The following CTNNA3 variants were observed in gnomAD, a reference collection of about 807,000 sequenced individuals.
CTNNA3 encodes catenin alpha 3, also known as catenin alpha-3.
CTNNA3 carries 76 observed loss-of-function variants against 95.7 expected under a neutral mutation model. The observed-to-expected ratio is 0.79, with a 90% confidence interval of 0.66 to 0.96. The LOEUF is 0.96. CTNNA3 is among the 40% of genes least tolerant of loss of function. CTNNA3 has a pLI of 0.00. For missense variants in CTNNA3, 1,191 were observed against 1,089.8 expected (o/e 1.09, Z -1.31); for synonymous variants, 431 against 374.4 (o/e 1.15, Z -1.74).
intron 9 of CTNNA3, among the ~76,000 whole-genome samples, chr10:66,708,439 C>T (rs1848188528): frequency 6.6e-6 from 1 of 151,880 alleles, no homozygotes; most frequent in South Asian, 2.1e-4. Context: ...TCTGTGTGCC[C>T]AAATATTCTC....
chr10:66,283,505 C>T (rs7899712), intron 12 of CTNNA3, among the ~76,000 whole-genome samples: 59,788 of 151,484 alleles, frequency 0.39, 11,907 homozygotes, highest in African/African-American at 0.44. Context: ...TGTGAAGTAA[C>T]TGCAAGAAAG....
chr10:66,968,785 G>A (rs1324056599), intron 7 of CTNNA3, among the ~76,000 whole-genome samples: 1 of 152,102 alleles, frequency 6.6e-6, no homozygotes, highest in East Asian at 1.9e-4. Flanking sequence ...GGGAGGCCAA[G>A]GTGGGCAGAT....
chr10:67,650,926 TCTC>T (rs1297222001), intron 1 of CTNNA3, among the ~76,000 whole-genome samples: 1 of 151,836 alleles, frequency 6.6e-6, no homozygotes, highest in African/African-American at 2.4e-5. Context: ...GGCACCTACT[TCTC>T]CTCCCTACAG....
At chr10:66,299,961 C>A (rs1276748707) in intron 12 of CTNNA3, among the ~76,000 whole-genome samples, 1 of 152,044 alleles carries the variant, frequency 6.6e-6, no homozygotes, top group Non-Finnish European at 1.5e-5. Context: ...GGCATGATCT[C>A]GGTTCACTGC....
chr10:66,291,227 A>G (rs919426787), intron 12 of CTNNA3, among the ~76,000 whole-genome samples: 3 of 152,102 alleles, frequency 2.0e-5, no homozygotes, highest in African/African-American at 7.2e-5. Context: ...TTTTCTCTGA[A>G]GTTTTACAAG....
chr10:66,095,998 G>T (rs1276756603), intron 14 of CTNNA3, among the ~76,000 whole-genome samples: 2 of 152,074 alleles, frequency 1.3e-5, no homozygotes, highest in African/African-American at 4.8e-5. Flanking sequence ...GGGGTCATCA[G>T]TATATATGAC....
At chr10:66,528,902 AAAAAG>A (rs1841362801) in intron 10 of CTNNA3, among the ~76,000 whole-genome samples, 1 of 152,142 alleles carries the variant, frequency 6.6e-6, no homozygotes, top group African/African-American at 2.4e-5. Context: ...AAAGACAGAA[AAAAAG>A]AAAAGAAAAA....
chr10:67,639,616 T>C (rs548679871), intron 2 of CTNNA3, among the ~76,000 whole-genome samples: 1 of 151,750 alleles, frequency 6.6e-6, no homozygotes, highest in East Asian at 1.9e-4. Flanking sequence ...AATAAAATAC[T>C]GGCAAACCGA....
At chr10:66,480,098 C>A (rs1244844401) in intron 11 of CTNNA3, among the ~76,000 whole-genome samples, 1 of 152,010 alleles carries the variant, frequency 6.6e-6, no homozygotes, top group Non-Finnish European at 1.5e-5. Flanking sequence ...AAAACAATCC[C>A]AAATGGAAAA....
chr10:65,926,643 A>C (rs956472325), intron 17 of CTNNA3, among the ~76,000 whole-genome samples: 3 of 151,788 alleles, frequency 2.0e-5, no homozygotes, highest in Admixed American at 1.3e-4. Context: ...CACCTGGCTA[A>C]TTTTGTATTT....
intron 13 of CTNNA3, among the ~76,000 whole-genome samples, chr10:66,137,992 A>G (rs867805545): frequency 6.6e-6 from 1 of 152,050 alleles, no homozygotes; most frequent in East Asian, 1.9e-4. Context: ...ATAAATAACA[A>G]TAAATGATAT....
intron 3 of CTNNA3, among the ~76,000 whole-genome samples, chr10:67,585,333 G>A (rs190853279): frequency 9.8e-4 from 149 of 152,262 alleles, no homozygotes; most frequent in African/African-American, 3.4e-3. Context: ...TTAGGTATCA[G>A]AATAATACTG....
intron 7 of CTNNA3, among the ~76,000 whole-genome samples, chr10:67,133,308 T>TATATATATA (rs1554928658): frequency 4.9e-5 from 4 of 80,840 alleles, no homozygotes; most frequent in African/African-American, 3.5e-4. Context: ...TATTGCCTGA[T>TATATATATA]ATATATATAT....
At chr10:66,277,877 C>T (rs1472897507) in intron 13 of CTNNA3, among the ~76,000 whole-genome samples, 1 of 151,942 alleles carries the variant, frequency 6.6e-6, no homozygotes, top group Non-Finnish European at 1.5e-5. Flanking sequence ...TACTTAGAGA[C>T]ATGTTCTCAG....
chr10:66,630,360 A>C (rs1564579979), intron 9 of CTNNA3, among the ~76,000 whole-genome samples: 1 of 152,184 alleles, frequency 6.6e-6, no homozygotes, highest in Non-Finnish European at 1.5e-5. Flanking sequence ...GACTTTCAAG[A>C]AAAGTACTTG....
chr10:66,463,975 T>A (rs7079141), intron 11 of CTNNA3, among the ~76,000 whole-genome samples: 57,474 of 151,548 alleles, frequency 0.38, 11,746 homozygotes, highest in East Asian at 0.59. Flanking sequence ...TAGCTTGGTC[T>A]CAGGACCACT....
At chr10:66,771,930 T>C (rs1372351866) in intron 8 of CTNNA3, among the ~76,000 whole-genome samples, 2 of 152,004 alleles carry the variant, frequency 1.3e-5, no homozygotes, top group Non-Finnish European at 2.9e-5. Context: ...TTCCAGCTGG[T>C]GAAAACAGCA....
At chr10:67,309,552 AC>A (rs2132521355) in intron 5 of CTNNA3, among the ~76,000 whole-genome samples, 1 of 152,252 alleles carries the variant, frequency 6.6e-6, no homozygotes, top group East Asian at 1.9e-4. Flanking sequence ...GTGTGTGTAT[AC>A]AGGTGTGTGT....
chr10:67,704,961 G>C (rs1463655324), intron 1 of CTNNA3, among the ~76,000 whole-genome samples: 5 of 152,072 alleles, frequency 3.3e-5, no homozygotes, highest in Non-Finnish European at 7.3e-5. Flanking sequence ...TCAAAAAGTG[G>C]GCGAACGACA....
Sources: gnomAD v4.1 joint callset for allele counts (sites outside exome capture counted in the v4.1 genomes callset) on GRCh38, gnomAD v4.1.1 for gene constraint, MANE v1.5 for transcripts, NCBI Gene and HGNC (gene_info 2026-07-23, HGNC 2026-07-21) for gene names.